VPS35L: variants seen among roughly 807,000 people sequenced by gnomAD.
VPS35L encodes VPS35 endosomal protein-sorting factor-like.
A neutral mutation model predicts 133.0 loss-of-function variants in VPS35L; 83 were observed. The ratio of observed to expected loss-of-function variants is 0.62; its 90% CI spans 0.52 to 0.75. The LOEUF (loss-of-function observed/expected upper bound fraction) is 0.75, where lower values mean the gene tolerates loss of function less well. VPS35L is among the 30% of genes least tolerant of loss of function. The pLI, the probability that VPS35L is intolerant of heterozygous loss-of-function variation, is 0.00. For missense variants in VPS35L, 1,083 were observed against 1,206.8 expected (o/e 0.90, Z 1.52); for synonymous variants, 423 against 449.9 (o/e 0.94, Z 0.76).
chr16:19,569,533 C>A lies in VPS35L; in HGVS notation c.227C>A (p.Thr76Asn), dbSNP rs1398305707. 1.9e-6 allele frequency: 3 copies of A among 1,603,746 alleles called. No homozygotes were observed. In the South Asian group the frequency reaches 3.4e-5, roughly 18 times the overall value. The stretch of plus-strand genomic sequence containing the variant: ...CCGCTGAGCAGCGTCCTCGATGGGA[C>A]TGACCCCCTCTCCATGTTTGCAGCC... ...VDPLSSVLDG[T>N]DPLSMFAATA... The change falls in exon 3 of 31, where the codon ACT becomes AAT. Residue 76 changes from threonine to asparagine, a missense_variant. Transcript: ENST00000417362.
At chr16:19,573,923 G>A (rs1471043569) in intron 4 of VPS35L, among the ~76,000 whole-genome samples, 1 of 152,152 alleles carries the variant, frequency 6.6e-6, no homozygotes, top group Admixed American at 6.5e-5. Context: ...GTTTTCCCCT[G>A]GAGCTGGAAA....
chr16:19,613,071 C>T (rs921542043), intron 12 of VPS35L, among the ~76,000 whole-genome samples: 4 of 152,138 alleles, frequency 2.6e-5, no homozygotes, highest in Non-Finnish European at 5.9e-5. Context: ...GAGGCCGAGG[C>T]GGGCAGATCA....
At chr16:19,672,646 C>T (rs1441979246) in intron 27 of VPS35L, among the ~76,000 whole-genome samples, 1 of 152,132 alleles carries the variant, frequency 6.6e-6, no homozygotes, top group African/African-American at 2.4e-5. Context: ...TGTTGTCCTG[C>T]AGGGAGGATA....
At chr16:19,626,814 G>A (rs1486333201) in intron 15 of VPS35L, among the ~76,000 whole-genome samples, 4 of 152,132 alleles carry the variant, frequency 2.6e-5, no homozygotes, top group Non-Finnish European at 5.9e-5. Context: ...TGGGGCTGTG[G>A]TAGGTGGTTG....
chr16:19,601,418 C>A (rs1159457680), intron 8 of VPS35L, among the ~76,000 whole-genome samples: 1 of 147,940 alleles, frequency 6.8e-6, no homozygotes, highest in Non-Finnish European at 1.5e-5. Flanking sequence ...CTTGAGACTC[C>A]TTTAGATTCC....
chr16:19,614,562 C>A (rs373756121), intron 12 of VPS35L, among the ~76,000 whole-genome samples: 1 of 152,320 alleles, frequency 6.6e-6, no homozygotes, highest in African/African-American at 2.4e-5. Flanking sequence ...AGGCGTGCGC[C>A]ACCACACCCG....
chr16:19,619,899 A>G (rs942028848), intron 14 of VPS35L, among the ~76,000 whole-genome samples: 2 of 152,142 alleles, frequency 1.3e-5, no homozygotes, highest in African/African-American at 2.4e-5. Context: ...AATGGCCGCT[A>G]TGAGTCACCT....
chr16:19,612,540 C>G (rs1219359430), intron 12 of VPS35L, among the ~76,000 whole-genome samples: 1 of 152,184 alleles, frequency 6.6e-6, no homozygotes, highest in African/African-American at 2.4e-5. Flanking sequence ...AGGTGTGAGC[C>G]CCCGTGCCCA....
At chr16:19,602,413 G>A (rs536963104) in intron 9 of VPS35L, among the ~76,000 whole-genome samples, 1 of 152,034 alleles carries the variant, frequency 6.6e-6, no homozygotes, top group African/African-American at 2.4e-5. Flanking sequence ...TCCTGCAGTG[G>A]GGCTTCCCAG....
rs773781821 is a variant in VPS35L, at chr16:19,562,331, A to G, written c.18-2520A>G. 3.3e-4 allele frequency among the ~76,000 whole-genome samples: 50 copies of G among 152,306 alleles called. 1 individual carries two copies. The highest frequency in any genetic ancestry group is 6.8e-3 in the Middle Eastern group (2 of 294). ...GGGATTCTGGCTCAATCAACTTGACAGAATTCTTGCTAAAACTGGGCGGTG... is the reference window on the plus strand; with the variant it reads ...GGGATTCTGGCTCAATCAACTTGACGGAATTCTTGCTAAAACTGGGCGGTG... On this transcript the variant is annotated intron_variant, in intron 1 of 30. Transcript: ENST00000417362.
chr16:19,619,490 C>T (rs914898989), intron 14 of VPS35L, among the ~76,000 whole-genome samples: 8 of 152,022 alleles, frequency 5.3e-5, no homozygotes, highest in African/African-American at 1.7e-4. Context: ...ACCATGAACT[C>T]GACTGTTTTC....
intron 14 of VPS35L, among the ~76,000 whole-genome samples, chr16:19,623,766 T>TTTATTTA (rs1555501633): frequency 2.4e-5 from 3 of 126,852 alleles, no homozygotes; most frequent in Non-Finnish European, 4.8e-5. Context: ...TACTTATTTA[T>TTTATTTA]TTATTATTAT....
At chr16:19,592,146 C>T (rs1184993739) in intron 8 of VPS35L, among the ~76,000 whole-genome samples, 1 of 151,754 alleles carries the variant, frequency 6.6e-6, no homozygotes, top group African/African-American at 2.4e-5. Flanking sequence ...GCAGTCATGG[C>T]TCACTGCAGC....
At chr16:19,570,877 A>ATTTTTTT (rs1567388802) in intron 3 of VPS35L, among the ~76,000 whole-genome samples, 3 of 53,730 alleles carry the variant, frequency 5.6e-5, no homozygotes, top group African/African-American at 2.9e-4. Flanking sequence ...ATATATATAT[A>ATTTTTTT]TATATATATA....
intron 28 of VPS35L, among the ~76,000 whole-genome samples, chr16:19,688,372 G>T (rs2151623550): frequency 6.6e-6 from 1 of 152,266 alleles, no homozygotes; most frequent in East Asian, 1.9e-4. Context: ...AATGGGGCGA[G>T]AAAAGCACAA....
chr16:19,566,588 A>G (rs1971197559), intron 2 of VPS35L, among the ~76,000 whole-genome samples: 1 of 152,186 alleles, frequency 6.6e-6, no homozygotes, highest in East Asian at 1.9e-4. Flanking sequence ...CTCCTGAGCC[A>G]GAGTAGGTTC....
At chr16:19,660,357 G>T (rs1974443980) in intron 26 of VPS35L, among the ~76,000 whole-genome samples, 2 of 151,794 alleles carry the variant, frequency 1.3e-5, no homozygotes, top group Admixed American at 1.3e-4. Context: ...AAGAAATAAT[G>T]GTTTTTCTAT....
chr16:19,578,292 T>G (rs1438474271), intron 5 of VPS35L: 3 of 447,238 alleles, frequency 6.7e-6, no homozygotes, highest in African/African-American at 6.1e-5. Context: ...TTTTCTTTTT[T>G]TTTTTTTTGA....
At position 19,591,644 on chromosome 16, in the gene VPS35L, A is replaced by C. The variant is rs1972046039; in HGVS notation, c.640-146A>C. 1.0e-5 allele frequency: 6 copies of C among 576,418 alleles called. No individual in the cohort carries two copies. The South Asian group carries it at 1.4e-4, about 13-fold the overall frequency. The allele number at this position is 576,418 out of a possible 1,614,324, so 35.7% of individuals were successfully genotyped here. A position where few individuals can be genotyped will look rare whatever the true frequency, so the allele number is the denominator to read the frequency against. On this transcript the variant is annotated intron_variant, in intron 7 of 30. Transcript: ENST00000417362. ...GAAAAGCACAGTGGTTTAGCTTGTC[A>C]TTGTATGCTCAGCACCTCGCACAGG...
Sources: gnomAD v4.1 joint callset for allele counts (sites outside exome capture counted in the v4.1 genomes callset) on GRCh38, gnomAD v4.1.1 for gene constraint, MANE v1.5 for transcripts, NCBI Gene and HGNC (gene_info 2026-07-23, HGNC 2026-07-21) for gene names.